MYH8: variants seen among roughly 807,000 people sequenced by gnomAD.
MYH8 encodes myosin-8.
A neutral mutation model predicts 233.2 loss-of-function variants in MYH8; 168 were observed. The ratio of observed to expected loss-of-function variants is 0.72; its 90% CI spans 0.64 to 0.82. The LOEUF is 0.82. MYH8 is among the 40% of genes least tolerant of loss of function. The probability of loss-of-function intolerance (pLI) is 0.00; values close to 1 mark genes in which losing one functional copy is unlikely to be tolerated. For synonymous variants in MYH8, 785 were observed against 850.6 expected (o/e 0.92, Z 1.34); for missense variants, 1,995 against 2,327.8 (o/e 0.86, Z 2.94).
intron 21 of MYH8, 132 bp downstream of exon 21, chr17:10,405,909 G>T: frequency 1.8e-6 from 2 of 1,097,930 alleles, no homozygotes; most frequent in Non-Finnish European, 2.7e-6. Context: ...AAAGGCTGCT[G>T]TGTTGTAGGA....
At chr17:10,399,512 T>C (rs1300211388) in intron 28 of MYH8, 31 bp downstream of exon 28, 3 of 1,612,514 alleles carry the variant, frequency 1.9e-6, no homozygotes, top group Admixed American at 1.7e-5. Flanking sequence ...ATTTAGTCCA[T>C]GGTGTTGGGA....
chr17:10,404,769 G>A (rs182355563), intron 21 of MYH8, among the ~76,000 whole-genome samples, 184 bp from the exon 22 acceptor site: 1 of 151,196 alleles, frequency 6.6e-6, no homozygotes, highest in East Asian at 1.9e-4. Context: ...ACATTCTCGC[G>A]CTCACACTCA....
intron 34 of MYH8, 77 bp downstream of exon 34, chr17:10,395,056 G>A (rs894099896): frequency 4.8e-5 from 73 of 1,531,112 alleles, no homozygotes; most frequent in Middle Eastern, 2.3e-4. Flanking sequence ...AAAAAGGATC[G>A]TTTAACAAGG....
Position 10,396,467 on chromosome 17 carries a change from A to G in MYH8, c.4529-13T>C. On this transcript the variant is annotated splice_polypyrimidine_tract_variant and intron_variant, in intron 32 of 39. Transcript: ENST00000403437. This position sits in a 1 kb window ranked among gnomAD's most constrained non-coding sequence, Gnocchi z 4.2. ...TCAGAAATCTCCTCTGTGGTTGAAC[A>G]GACAGGAGAGAAATGGTCAGAAAGA... 5.0e-6 allele frequency: 8 copies of G among 1,614,110 alleles called. No homozygotes were observed. The highest frequency in any genetic ancestry group is 6.8e-6 in the Non-Finnish European group (8 of 1,180,018).
In MYH8 at chr17:10,412,661, A is replaced by T. The variant is rs1362125086; in HGVS notation, c.1215T>A (p.Pro405=). ...CATACTCATTGCCAACCTTGACCCT[A>T]GGGTAGCAGAGGGCTTTGAGTAGGT... ...SADLLKALCY[P]RVKVGNEYVT... The change falls in exon 13 of 40, where the codon CCT becomes CCA. Residue 405 remains proline (P), a synonymous_variant. Coordinates refer to ENST00000403437, the MANE Select transcript of MYH8 (RefSeq NM_002472.3). 6.2e-6 allele frequency: 10 copies of T among 1,614,094 alleles called. No homozygotes were observed. The highest frequency in any genetic ancestry group is 8.5e-6 in the Non-Finnish European group (10 of 1,180,038).
Position 10,412,723 on chromosome 17 carries a change from C to T in MYH8, c.1153G>A (p.Asp385Asn), listed in dbSNP as rs1363461295. 2.5e-6 allele frequency: 4 copies of T among 1,611,458 alleles called. No individual in the cohort carries two copies. Among genetic ancestry groups the T allele is most frequent in the Non-Finnish European group, 3.4e-6 (4 of 1,177,556 alleles). The change falls in exon 13 of 40, where the codon GAC becomes AAC. Residue 385 changes from aspartate (D) to asparagine (N), a missense_variant. Physicochemically the swap from Asp to Asn is conservative, Grantham distance 23. Transcript: ENST00000403437. ...QAEPDGTEVA[D>N]KAAYLQSLNS... ...AGACTCTGGAGATAGGCTGCCTTGTCAGCGACTGCAGAGACACAGTTCAGG... is the reference window on the plus strand; with the variant it reads ...AGACTCTGGAGATAGGCTGCCTTGTTAGCGACTGCAGAGACACAGTTCAGG...
Position 10,396,290 on chromosome 17 carries a change from G to T in MYH8, c.4653+40C>A. 1.2e-6 allele frequency: 2 copies of T among 1,610,182 alleles called. No homozygotes were observed. Among genetic ancestry groups the T allele is most frequent in the South Asian group, 1.1e-5 (1 of 90,634 alleles). ...CCCCACTTTTTTTTAACTGATGTTT[G>T]TCTTTGTTTTTCCATAACATAATAC... On this transcript the variant is annotated intron_variant, in intron 33 of 39. Transcript: ENST00000403437. This position sits in a 1 kb window ranked among gnomAD's most constrained non-coding sequence, Gnocchi z 4.2.
In MYH8 at chr17:10,393,122, C is replaced by A. The variant is rs34433607; in HGVS notation, c.5255G>T (p.Arg1752Leu). Residue 1752 changes from arginine (R) to leucine (L), a missense_variant, in exon 36 of 40, where the codon CGC becomes CTC. Arg to Leu is a moderately radical substitution (Grantham distance 102, BLOSUM62 -2). Coordinates refer to ENST00000403437, the MANE Select transcript of MYH8 (RefSeq NM_002472.3). ...SEVEEVIQES[R>L]NAEEKAKKAI... The stretch of plus-strand genomic sequence containing the variant: ...CTTCTTGGCTTTCTCTTCTGCATTG[C>A]GTGATTCTTGGATTACTTCTTCCAC... 6.2e-7 allele frequency: 1 copy of A among 1,614,190 alleles called. No individual in the cohort carries two copies.
In MYH8 at chr17:10,390,528, C is replaced by T; in HGVS notation, c.5740G>A (p.Asp1914Asn). The T allele has an allele frequency of 6.2e-7, 1 of 1,614,228 alleles. No individual in the cohort carries two copies. Among genetic ancestry groups the T allele is most frequent in the Non-Finnish European group, 8.5e-7 (1 of 1,180,042 alleles). ...HELEEAEERADIAESQVNKLR... is the reference protein window; with the variant it reads ...HELEEAEERANIAESQVNKLR... ...TTGTTGACCTGGGACTCAGCAATGT[C>T]AGCCCGTTCCTCGGCCTCCTCCAGC... Residue 1914 changes from aspartate (D) to asparagine (N), a missense_variant, in exon 40 of 40, where the codon GAC becomes AAC. By Grantham distance (23) the Asp-to-Asn change is conservative. This residue lies in a region of MYH8 where 1,498 missense variants were observed against 1,680.9 expected (regional missense o/e 0.89). Transcript: ENST00000403437.
Position 10,414,482 on chromosome 17 carries a change from G to T in MYH8, c.808C>A (p.Leu270Ile), listed in dbSNP as rs1302815990. 6.3e-7 allele frequency: 1 copy of T among 1,593,782 alleles called. No individual in the cohort carries two copies. The highest frequency in any genetic ancestry group is 1.7e-5 in the Admixed American group (1 of 59,962). ...KLASADIETY[L>I]LEKSRVTFQL... Reference sequence around the variant, plus strand: ...AAAGTAACTCTGGACTTTTCTAAAAGATCTGGAGAGGGAAATAGATATCGA... The same window carrying T: ...AAAGTAACTCTGGACTTTTCTAAAATATCTGGAGAGGGAAATAGATATCGA... The change falls in exon 10 of 40, where the codon CTT (leucine) becomes ATT (isoleucine). Residue 270 changes from leucine (L) to isoleucine (I), a missense_variant and splice_region_variant. Leu to Ile is a conservative substitution (Grantham distance 5, BLOSUM62 2). This residue lies in a region of MYH8 where 479 missense variants were observed against 600.9 expected (regional missense o/e 0.80). Coordinates refer to ENST00000403437, the MANE Select transcript of MYH8 (RefSeq NM_002472.3).
chr17:10,394,420 C>T lies in MYH8; in HGVS notation c.4995G>A (p.Arg1665=). Residue 1665 remains arginine (R), a synonymous_variant, in exon 35 of 40, where the codon CGG becomes CGA. Coordinates refer to ENST00000403437, the MANE Select transcript of MYH8 (RefSeq NM_002472.3). ...GCTGTTCCTTGAGGTCCTCCTGGCC[C>T]CGGAGAGCATCATCCAGGTGGAGCT... The part of the protein sequence containing the change: ...ETQLHLDDAL[R]GQEDLKEQLA... 6.2e-7 allele frequency: 1 copy of T among 1,614,096 alleles called. No individual in the cohort carries two copies. Among genetic ancestry groups the T allele is most frequent in the Non-Finnish European group, 8.5e-7 (1 of 1,180,020 alleles).
intron 38 of MYH8, among the ~76,000 whole-genome samples, 159 bp from the exon 39 acceptor site, chr17:10,392,136 ATGTT>A (rs2072031877): frequency 6.6e-6 from 1 of 152,188 alleles, no homozygotes; most frequent in Non-Finnish European, 1.5e-5. Context: ...CTCTTGGTAA[ATGTT>A]TCCACTGTGC....
Position 10,401,147 on chromosome 17 carries a change from T to G in MYH8, c.3153A>C (p.Leu1051=). The G allele has an allele frequency of 6.2e-7, 1 of 1,614,012 alleles. No homozygotes were observed. Among genetic ancestry groups the G allele is most frequent in the Non-Finnish European group, 8.5e-7 (1 of 1,180,014 alleles). The stretch of plus-strand genomic sequence containing the variant: ...CCTCCAGTTTCCGCTTTGCTCTTTC[T>G]AGATCCATTCGAAGCTTCTTTTCTT... ...LEQEKKLRMD[L]ERAKRKLEGD... Residue 1051 remains leucine (L), a synonymous_variant, in exon 25 of 40, where the codon CTA becomes CTC. Coordinates refer to ENST00000403437, the MANE Select transcript of MYH8 (RefSeq NM_002472.3).
At chr17:10,395,033 TTTG>T in intron 34 of MYH8, 97 bp downstream of exon 34, 1 of 1,318,046 alleles carries the variant, frequency 7.6e-7, no homozygotes, top group Non-Finnish European at 1.1e-6. Flanking sequence ...AGCTGTATAA[TTTG>T]TTAAGAGAAA....
chr17:10,397,111 T>C (rs1475987328), intron 30 of MYH8, 125 bp from the exon 31 acceptor site: 1 of 1,185,430 alleles, frequency 8.4e-7, no homozygotes, highest in African/African-American at 1.5e-5. Flanking sequence ...AGAGACGGAG[T>C]CTCGCTCTGT....
rs370075161 is a variant in MYH8, at chr17:10,418,871, G to A, written c.354+16C>T. The A allele has an allele frequency of 1.9e-6, 3 of 1,613,892 alleles. No individual in the cohort carries two copies. The African/African-American group carries it at 4.0e-5, about 22-fold the overall frequency. ...AGAGAGAGACATGAAATAAAAAGGT[G>A]TTTACAGACACTCACGTAGATCATC... On this transcript the variant is annotated intron_variant, in intron 4 of 39. Coordinates refer to ENST00000403437, the MANE Select transcript of MYH8 (RefSeq NM_002472.3).
chr17:10,390,656 T>C, intron 39 of MYH8, 53 bp from the exon 40 acceptor site: 2 of 1,584,842 alleles, frequency 1.3e-6, no homozygotes, highest in Non-Finnish European at 1.7e-6. Context: ...CTCATTGCAC[T>C]TATCACCAGA....
Position 10,395,265 on chromosome 17 carries a change from G to C in MYH8, c.4830C>G (p.Ser1610Arg). 4 of 1,614,100 alleles carry C rather than the reference G, an allele frequency of 2.5e-6. No homozygotes were observed. The highest frequency in any genetic ancestry group is 3.4e-6 in the Non-Finnish European group (4 of 1,180,024). The change falls in exon 34 of 40, where the codon AGC becomes AGG. Residue 1610 changes from serine (S) to arginine (R), a missense_variant. Transcript: ENST00000403437. ...TCTTGACTCTCAGAGCATCATTTCT[G>C]CTTCTAATCTCTGCATCCAGCGTGC... is the stretch of plus-strand genomic sequence containing the variant. Reference protein sequence around the residue: ...MQSTLDAEIRSRNDALRVKKK... With the variant: ...MQSTLDAEIRRRNDALRVKKK...
rs747419064 is a variant in MYH8 at position 10,398,831 on chromosome 17, C to G, written c.3918G>C (p.Arg1306Ser). The G allele has an allele frequency of 6.2e-7, 1 of 1,613,792 alleles. No individual in the cohort carries two copies. The highest frequency in any genetic ancestry group is 8.5e-7 in the Non-Finnish European group (1 of 1,180,008). The change falls in exon 29 of 40, where the codon AGG becomes AGC. Residue 1306 changes from arginine to serine, a missense_variant. Coordinates refer to ENST00000403437, the MANE Select transcript of MYH8 (RefSeq NM_002472.3). ...EKDALVSQLS[R>S]SKQASTQQIE... ...TCTGCTGAGTAGATGCTTGCTTGCT[C>G]CTTGAAAGCTGAGAGACTAAAGCAT...
Sources: allele counts gnomAD v4.1 joint callset (sites outside exome capture counted in the v4.1 genomes callset), GRCh38; gene constraint gnomAD v4.1.1; regional missense constraint gnomAD v4.1.1; non-coding constraint Gnocchi (gnomAD v3.1); transcripts MANE v1.5; gene names NCBI Gene and HGNC (gene_info 2026-07-23, HGNC 2026-07-21).